CHRNA1: variants seen among roughly 807,000 people sequenced by gnomAD.
CHRNA1 encodes acetylcholine receptor subunit alpha.
CHRNA1 carries 35 observed loss-of-function variants against 47.1 expected under a neutral mutation model. The observed-to-expected ratio is 0.74, with a 90% CI of 0.57 to 0.99. The LOEUF (loss-of-function observed/expected upper bound fraction) is 0.99. CHRNA1 is among the 50% of genes least tolerant of loss of function. The pLI is 0.00. For missense variants in CHRNA1, 506 were observed against 591.1 expected, an observed-to-expected ratio of 0.86 and a Z score of 1.49; for synonymous variants, 229 against 223.6, an observed-to-expected ratio of 1.02 and a Z score of -0.22.
chr2:174,759,642 G>A lies in CHRNA1; in HGVS notation c.44-9C>T. On this transcript the variant is annotated splice_polypyrimidine_tract_variant and intron_variant, in intron 1 of 8. Coordinates refer to ENST00000348749, the MANE Select transcript of CHRNA1 (RefSeq NM_000079.4). ...GCCCAGGACGAGGCCAGCTGAGACA[G>A]CAGATGACACCAACACTGTCAGATT... The A allele has an allele frequency of 6.2e-7, 1 of 1,612,464 alleles. No individual in the cohort carries two copies. The highest frequency in any genetic ancestry group is 1.1e-5 in the South Asian group (1 of 91,034).
chr2:174,759,762 G>T lies in CHRNA1; in HGVS notation c.44-129C>A, dbSNP rs1273318293. Reference sequence around the variant, plus strand: ...TAACAGAAGGCACACAGGCCTCCTTGTTGAAAGGCTCCCAAATGCAGCAGT... The same window carrying T: ...TAACAGAAGGCACACAGGCCTCCTTTTTGAAAGGCTCCCAAATGCAGCAGT... On this transcript the variant is annotated intron_variant, in intron 1 of 8. Coordinates refer to ENST00000348749, the MANE Select transcript of CHRNA1 (RefSeq NM_000079.4). 7 of 1,205,848 alleles carry T rather than the reference G, an allele frequency of 5.8e-6. No homozygotes were observed. The African/African-American group carries it at 9.1e-5, about 16-fold the overall frequency. The allele number at this position is 1,205,848 out of a possible 1,614,324, so 74.7% of individuals were successfully genotyped here. A position where few individuals can be genotyped will look rare whatever the true frequency, so the allele number is the denominator to read the frequency against.
intron 1 of CHRNA1, among the ~76,000 whole-genome samples, chr2:174,759,929 T>TACACACACACACACAAACACACAC (rs1684069191): frequency 6.9e-6 from 1 of 143,984 alleles, no homozygotes; most frequent in Non-Finnish European, 1.5e-5. Context: ...GTTTGCCAGG[T>TACACACACACACACAAACACACAC]ACACACACAC....
At position 174,760,618 on chromosome 2, in the gene CHRNA1, C is replaced by T. The variant is rs1334802557; in HGVS notation, c.44-985G>A. The stretch of plus-strand genomic sequence containing the variant: ...TTCCCTTTGGGATGATGAAAACGTT[C>T]TGGAAATAGATAGTGGTGATGGTCT... On this transcript the variant is annotated intron_variant, in intron 1 of 8. Transcript: ENST00000348749. 2.6e-5 allele frequency among the ~76,000 whole-genome samples: 4 copies of T among 152,268 alleles called. No homozygotes were observed. In the East Asian group the frequency reaches 7.7e-4, roughly 29 times the overall value.
chr2:174,759,281 A>G, intron 3 of CHRNA1, 50 bp downstream of exon 3: 1 of 1,590,616 alleles, frequency 6.3e-7, no homozygotes, highest in Non-Finnish European at 8.6e-7. Context: ...CCCAGGTTTA[A>G]TTTCAGTGTG....
intron 4 of CHRNA1, among the ~76,000 whole-genome samples, chr2:174,756,077 T>G (rs546446224): frequency 6.6e-6 from 1 of 152,172 alleles, no homozygotes; most frequent in Non-Finnish European, 1.5e-5. Flanking sequence ...ATGTTGGATT[T>G]TTCTAGAGAG....
Position 174,757,949 on chromosome 2 carries a change from A to T in CHRNA1, c.235-274T>A, listed in dbSNP as rs150585253. ...TGAGGGGAGGGTGATTACTGACCTC[A>T]TTCTGCAGATGAGAAAACAAAGGAA... On this transcript the variant is annotated intron_variant, in intron 3 of 8. Coordinates refer to ENST00000348749, the MANE Select transcript of CHRNA1 (RefSeq NM_000079.4). 5.9e-6 allele frequency: 9 copies of T among 1,520,856 alleles called. No individual in the cohort carries two copies. The African/African-American group carries it at 1.2e-4, about 21-fold the overall frequency. 94.2% of individuals were successfully genotyped at this position (1,520,856 alleles called of 1,614,324 possible). A position where few individuals can be genotyped will look rare whatever the true frequency, so the allele number is the denominator to read the frequency against.
Position 174,748,183 on chromosome 2 carries a change from T to C in CHRNA1, c.1315A>G (p.Ile439Val). 3 of 1,614,066 alleles carry C rather than the reference T, an allele frequency of 1.9e-6. No homozygotes were observed. In the South Asian group the frequency reaches 3.3e-5, roughly 18 times the overall value. Reference sequence around the variant, plus strand: ...GCAAACACGGCTAGGGTTCCGATGATGCAAACAAGCATGAAGACTCCGAGG... The same window carrying C: ...GCAAACACGGCTAGGGTTCCGATGACGCAAACAAGCATGAAGACTCCGAGG... ...ILLGVFMLVC[I>V]IGTLAVFAGR... The change falls in exon 9 of 9, where the codon ATC (isoleucine) becomes GTC (valine). Residue 439 changes from isoleucine to valine, a missense_variant. Ile to Val is a conservative substitution (Grantham distance 29). Transcript: ENST00000348749.
chr2:174,752,489 G>A (rs948018455), intron 6 of CHRNA1, among the ~76,000 whole-genome samples: 11 of 152,108 alleles, frequency 7.2e-5, no homozygotes, highest in African/African-American at 2.2e-4. Context: ...AGGGTCACTT[G>A]AGCTCAGGAG....
intron 1 of CHRNA1, among the ~76,000 whole-genome samples, chr2:174,761,937 G>T (rs1441825852): frequency 6.6e-6 from 1 of 152,168 alleles, no homozygotes; most frequent in Non-Finnish European, 1.5e-5. Flanking sequence ...TTAAATGACT[G>T]TTCACTCCAG....
chr2:174,757,808 GA>G (rs2105350798), intron 3 of CHRNA1, 133 bp from the exon 4 acceptor site: 1 of 1,006,902 alleles, frequency 9.9e-7, no homozygotes, highest in South Asian at 1.4e-5. Context: ...GTTGGATTCA[GA>G]ATTTAGCTTT....
chr2:174,748,076 C>T lies in CHRNA1; in HGVS notation c.*48G>A. The T allele has an allele frequency of 6.2e-7, 1 of 1,612,538 alleles. No homozygotes were observed. ...ACAAATCTTCCTCTCCTGCCCTTCT[C>T]TGCTCTGGTAGGTTCCAGGGCAGAG... On this transcript the variant is annotated 3_prime_UTR_variant, in exon 9 of 9. Transcript: ENST00000348749.
At chr2:174,753,166 T>C in intron 6 of CHRNA1, 1 of 563,996 alleles carries the variant, frequency 1.8e-6, no homozygotes, top group Non-Finnish European at 3.2e-6. Context: ...GAGAAGTGTC[T>C]GGGATCACAT....
intron 8 of CHRNA1, 34 bp downstream of exon 8, chr2:174,748,546 C>T (rs1683781393): frequency 1.2e-6 from 2 of 1,607,308 alleles, no homozygotes; most frequent in African/African-American, 1.3e-5. Context: ...ACCATTTAAA[C>T]CCAGAGGCAT....
intron 4 of CHRNA1, 90 bp downstream of exon 4, chr2:174,757,476 A>AAATCCTGGT (rs1684001774): frequency 5.5e-6 from 5 of 911,448 alleles, no homozygotes; most frequent in Non-Finnish European, 9.0e-6. Context: ...AGCAGTGGTG[A>AAATCCTGGT]GAAGCATTCC....
rs112943369 is a variant in CHRNA1, at chr2:174,753,187, G to C, written c.778+316C>G. On this transcript the variant is annotated intron_variant, in intron 6 of 8. Transcript: ENST00000348749. ...TGTCTGGGATCACATGCCTTACCCA[G>C]TACACTTCTGGGCACACAGTTGGTA... 4.0e-3 allele frequency: 2,355 copies of C among 589,926 alleles called. 39 individuals are homozygous for C. The highest frequency in any genetic ancestry group is 0.039 in the African/African-American group (2,128 of 53,882). 36.5% of individuals were successfully genotyped at this position (589,926 alleles called of 1,614,324 possible).
At chr2:174,756,277 G>A (rs1241872128) in intron 4 of CHRNA1, among the ~76,000 whole-genome samples, 1 of 152,176 alleles carries the variant, frequency 6.6e-6, no homozygotes. Context: ...GCAGAGGGCA[G>A]GGTGTTAGAA....
At chr2:174,748,388 T>A in intron 8 of CHRNA1, 133 bp from the exon 9 acceptor site, 1 of 1,405,110 alleles carries the variant, frequency 7.1e-7, no homozygotes, top group Admixed American at 2.1e-5. Flanking sequence ...GCTGGCATCG[T>A]CTTTATTTTT....
At chr2:174,759,229 T>G in intron 3 of CHRNA1, 102 bp downstream of exon 3, 2 of 1,235,300 alleles carry the variant, frequency 1.6e-6, no homozygotes, top group Non-Finnish European at 2.4e-6. Context: ...ACTTTCAACA[T>G]TTTGGTATAT....
intron 3 of CHRNA1, 149 bp downstream of exon 3, chr2:174,759,182 C>G: frequency 2.1e-6 from 2 of 962,376 alleles, no homozygotes; most frequent in Non-Finnish European, 3.2e-6. Flanking sequence ...AAACCAAAAC[C>G]AAACAGGATC....
Sources: allele counts gnomAD v4.1 joint callset (sites outside exome capture counted in the v4.1 genomes callset), GRCh38; gene constraint gnomAD v4.1.1; transcripts MANE v1.5; gene names NCBI Gene and HGNC (gene_info 2026-07-23, HGNC 2026-07-21).